CELF2: variants seen among roughly 807,000 people sequenced by gnomAD.
CELF2 encodes CUG triplet repeat RNA-binding protein 2.
CELF2 carries 8 observed loss-of-function variants against 62.6 expected under a neutral mutation model. That is an observed-to-expected ratio of 0.13 (90% confidence interval 0.07 to 0.23). The LOEUF is 0.23. Among genes scored for constraint, CELF2 ranks in the 10% least tolerant of loss-of-function variants. The probability of loss-of-function intolerance (pLI) is 1.00; values close to 1 mark genes in which losing one functional copy is unlikely to be tolerated. For synonymous variants in CELF2, 258 were observed against 250.0 expected (o/e 1.03, Z -0.30); for missense variants, 333 against 671.0 (o/e 0.50, Z 5.56).
intron 2 of CELF2, among the ~76,000 whole-genome samples, chr10:10,978,073 T>G (rs2051585118): frequency 6.7e-6 from 1 of 149,074 alleles, no homozygotes; most frequent in Non-Finnish European, 1.5e-5. Context: ...ATGGTTAACA[T>G]TAGGCAATTC....
the CELF2 span, among the ~76,000 whole-genome samples, chr10:10,550,549 G>T: frequency 6.6e-6 from 1 of 152,172 alleles, no homozygotes; most frequent in African/African-American, 2.4e-5. Context: ...GCTGAGGTTT[G>T]GGTTAGGTTT....
At chr10:11,187,394 C>T (rs2075224882) in intron 2 of CELF2, among the ~76,000 whole-genome samples, 1 of 152,132 alleles carries the variant, frequency 6.6e-6, no homozygotes, top group South Asian at 2.1e-4. Context: ...CATTCTCTCT[C>T]TTCACGTGTA....
intron 1 of CELF2, among the ~76,000 whole-genome samples, chr10:11,094,085 G>A (rs971115008): frequency 2.0e-5 from 3 of 152,078 alleles, no homozygotes; most frequent in African/African-American, 4.8e-5. Flanking sequence ...CATTTTTCAG[G>A]CCAGTTTATA....
At position 11,223,094 on chromosome 10, in the gene CELF2, T is replaced by G. The variant is rs2065376782; in HGVS notation, c.354+5587T>G. On this transcript the variant is annotated intron_variant, in intron 3 of 12. Coordinates refer to ENST00000633077, the MANE Select transcript of CELF2 (RefSeq NM_001326342.2). This position sits in a 1 kb window ranked among gnomAD's most constrained non-coding sequence, Gnocchi z 5.1. The stretch of plus-strand genomic sequence containing the variant: ...TTCACCAACGATCTCAGTTCCTTGG[T>G]GTAATTATAATTCTTTGTTTATGGG... 6.6e-6 allele frequency among the ~76,000 whole-genome samples: 1 copy of G among 152,210 alleles called. No individual in the cohort carries two copies.
chr10:11,256,664 TTAAAAA>T (rs1220030763), intron 4 of CELF2, among the ~76,000 whole-genome samples: 1 of 71,746 alleles, frequency 1.4e-5, no homozygotes, highest in East Asian at 3.3e-4. Flanking sequence ...TGTGATGTCC[TTAAAAA>T]AAAAAAAAAA....
the CELF2 span, among the ~76,000 whole-genome samples, chr10:10,558,678 C>G: frequency 0.013 from 1,924 of 152,082 alleles, 68 homozygotes; most frequent in East Asian, 0.097. Context: ...ACTCTTTTTG[C>G]TTGGTAAACT....
At position 11,255,760 on chromosome 10, in the gene CELF2, G is replaced by GA. The variant is rs2137703225; in HGVS notation, c.404-1974dup. Among the ~76,000 whole-genome samples the GA allele has an allele frequency of 1.3e-5, 2 of 152,272 alleles. No individual in the cohort carries two copies. The highest frequency in any genetic ancestry group is 4.8e-5 in the African/African-American group (2 of 41,540). On this transcript the variant is annotated intron_variant, in intron 4 of 12. Transcript: ENST00000633077. The surrounding 1 kb of genome is among the most constrained non-coding windows in gnomAD (Gnocchi z 5.5). ...CCACCTTCTCTCCATTTCTAGGAGA[G>GA]AAAAGAGTCTAAACTTTCATTCCAT...
intron 1 of CELF2, among the ~76,000 whole-genome samples, chr10:10,863,070 G>A (rs1215061748): frequency 6.6e-6 from 1 of 152,196 alleles, no homozygotes; most frequent in Non-Finnish European, 1.5e-5. Context: ...CACCAGTTGT[G>A]CTAAGAGGCT....
the CELF2 span, among the ~76,000 whole-genome samples, chr10:10,665,792 T>A: frequency 2.6e-5 from 4 of 152,226 alleles, no homozygotes; most frequent in Non-Finnish European, 5.9e-5. Context: ...TTCTGGGTAT[T>A]CTTAAATGTT....
chr10:11,074,558 T>C (rs899956610), intron 1 of CELF2, among the ~76,000 whole-genome samples: 5 of 152,246 alleles, frequency 3.3e-5, no homozygotes, highest in African/African-American at 1.2e-4. Context: ...CTAATTAATA[T>C]TCACTATGGG....
intron 1 of CELF2, among the ~76,000 whole-genome samples, chr10:11,120,582 G>T (rs2057538013): frequency 6.6e-6 from 1 of 151,008 alleles, no homozygotes; most frequent in African/African-American, 2.4e-5. Flanking sequence ...AGTACCAGCT[G>T]CCACTCAGGG....
At chr10:10,924,480 T>C (rs1259795791) in intron 2 of CELF2, among the ~76,000 whole-genome samples, 2 of 152,028 alleles carry the variant, frequency 1.3e-5, no homozygotes, top group Non-Finnish European at 1.5e-5. Flanking sequence ...TTAACAGAAG[T>C]ATCTTAAGTA....
At chr10:11,288,654 T>G in intron 9 of CELF2, 102 bp downstream of exon 9, 2 of 1,339,796 alleles carry the variant, frequency 1.5e-6, no homozygotes, top group African/African-American at 2.9e-5. Flanking sequence ...GTGTCCAGGA[T>G]GGAGCCGGGA....
chr10:10,975,327 A>G (rs1308795699), intron 2 of CELF2, among the ~76,000 whole-genome samples: 1 of 152,140 alleles, frequency 6.6e-6, no homozygotes, highest in Non-Finnish European at 1.5e-5. Context: ...TGTGTTGCAA[A>G]GGCTGGTGTC....
chr10:11,320,921 A>C (rs150183830), intron 10 of CELF2: 1 of 1,548,188 alleles, frequency 6.5e-7, no homozygotes, highest in Non-Finnish European at 8.7e-7. Context: ...AGCACGCTGC[A>C]TGGCATTGAG....
chr10:10,832,847 T>C (rs1453183718), intron 1 of CELF2, among the ~76,000 whole-genome samples: 1 of 152,080 alleles, frequency 6.6e-6, no homozygotes, highest in African/African-American at 2.4e-5. Flanking sequence ...AAATGCAAAA[T>C]TGGCCTATCA....
the CELF2 span, among the ~76,000 whole-genome samples, chr10:10,490,688 A>G: frequency 6.6e-6 from 1 of 152,126 alleles, no homozygotes; most frequent in Admixed American, 6.6e-5. Context: ...GAACATAGGG[A>G]TATGAGGATA....
At chr10:11,029,996 C>T (rs1302149661) in intron 1 of CELF2, among the ~76,000 whole-genome samples, 1 of 152,124 alleles carries the variant, frequency 6.6e-6, no homozygotes, top group African/African-American at 2.4e-5. Flanking sequence ...GGATGTGCTA[C>T]TTTTGTTCCA....
intron 1 of CELF2, among the ~76,000 whole-genome samples, chr10:11,120,926 G>A (rs1425160740): frequency 6.6e-6 from 1 of 152,186 alleles, no homozygotes; most frequent in Non-Finnish European, 1.5e-5. Context: ...TGCAGGTGCA[G>A]CAGCTCAAAT....
Sources: allele counts gnomAD v4.1 joint callset (sites outside exome capture counted in the v4.1 genomes callset), GRCh38; gene constraint gnomAD v4.1.1; non-coding constraint Gnocchi (gnomAD v3.1); transcripts MANE v1.5; gene names NCBI Gene and HGNC (gene_info 2026-07-23, HGNC 2026-07-21).